CNR1: variants seen among roughly 807,000 people sequenced by gnomAD.
CNR1 encodes cannabinoid receptor 1 (brain).
A neutral mutation model predicts 23.0 loss-of-function variants in CNR1; 10 were observed. That is an observed-to-expected ratio of 0.43 (90% CI 0.27 to 0.74). The LOEUF (loss-of-function observed/expected upper bound fraction) is 0.74, where lower values mean the gene tolerates loss of function less well. CNR1 is among the 30% of genes least tolerant of loss of function. The pLI is 0.19. For missense variants in CNR1, 422 were observed against 618.8 expected (o/e 0.68, Z 3.37); for synonymous variants, 271 against 255.2 (o/e 1.06, Z -0.59).
At chr6:88,160,136 TGG>T (rs1284918970) in intron 1 of CNR1, among the ~76,000 whole-genome samples, 1 of 152,078 alleles carries the variant, frequency 6.6e-6, no homozygotes, top group African/African-American at 2.4e-5. Context: ...AAGACCAGCG[TGG>T]CCAACATGGT....
In CNR1 at chr6:88,142,991, A is replaced by C. The variant is rs1776911208; in HGVS notation, c.*865T>G. 2.0e-5 allele frequency: 3 copies of C among 152,758 alleles called. No homozygotes were observed. The South Asian group carries it at 6.2e-4, about 32-fold the overall frequency. The allele number at this position is 152,758 out of a possible 1,614,324, so 9.5% of individuals were successfully genotyped here. On this transcript the variant is annotated 3_prime_UTR_variant, in exon 2 of 2. Transcript: ENST00000369501. ...GTCTTAAGAGATCCAGTAATAGCTA[A>C]AGACTAAAGAAAGTCAGAGATGTCG...
intron 1 of CNR1, among the ~76,000 whole-genome samples, chr6:88,154,547 T>C (rs1278597137): frequency 2.6e-5 from 4 of 152,244 alleles, no homozygotes; most frequent in Admixed American, 6.5e-5. Flanking sequence ...GAGAGAGATC[T>C]TTCTACATAC....
Position 88,156,861 on chromosome 6 carries a change from A to G in CNR1, c.-64+8942T>C, listed in dbSNP as rs549031901. ...AGCCAGCTGATCATGAGGGCATTAA[A>G]CCTGAATCTTGGTCTCATACAAACA... On this transcript the variant is annotated intron_variant, in intron 1 of 1. Transcript: ENST00000369501. 2.0e-5 allele frequency among the ~76,000 whole-genome samples: 3 copies of G among 152,300 alleles called. No individual in the cohort carries two copies. In the East Asian group the frequency reaches 5.8e-4, roughly 29 times the overall value.
At chr6:88,148,042 G>A (rs772811775) in intron 1 of CNR1, among the ~76,000 whole-genome samples, 12 of 152,022 alleles carry the variant, frequency 7.9e-5, no homozygotes, top group Admixed American at 6.6e-5. Context: ...TCTAGCTCCC[G>A]CCCACCTCTC....
chr6:88,147,316 G>C (rs949355468), intron 1 of CNR1, among the ~76,000 whole-genome samples: 3 of 152,088 alleles, frequency 2.0e-5, no homozygotes, highest in Admixed American at 6.6e-5. Context: ...GTGAAAAAAA[G>C]AGTCCTTGCC....
At chr6:88,156,862 C>T (rs567404731) in intron 1 of CNR1, among the ~76,000 whole-genome samples, 3 of 152,294 alleles carry the variant, frequency 2.0e-5, no homozygotes, top group South Asian at 2.1e-4. Context: ...GGGCATTAAA[C>T]CTGAATCTTG....
chr6:88,161,891 A>G (rs1229795760), intron 1 of CNR1, among the ~76,000 whole-genome samples: 1 of 152,242 alleles, frequency 6.6e-6, no homozygotes, highest in African/African-American at 2.4e-5. Flanking sequence ...AAAAACTATA[A>G]CTATCTTAAT....
intron 1 of CNR1, among the ~76,000 whole-genome samples, chr6:88,146,026 T>C (rs1238048878): frequency 6.6e-6 from 1 of 152,160 alleles, no homozygotes; most frequent in Non-Finnish European, 1.5e-5. Flanking sequence ...ACTTCTAGGA[T>C]GTCCACATCA....
chr6:88,162,107 G>C (rs1209109491), intron 1 of CNR1, among the ~76,000 whole-genome samples: 1 of 152,108 alleles, frequency 6.6e-6, no homozygotes, highest in Non-Finnish European at 1.5e-5. Context: ...GGACTGGCAC[G>C]GATTTCCACC....
At position 88,140,503 on chromosome 6, in the gene CNR1, A is replaced by G. The variant is rs1562495413; in HGVS notation, c.*3353T>C. ...TTTCTATATTACAATAGGCATTGTTAACATTTCATCAGAAGGCCAGTGCAA... is the reference window on the plus strand; with the variant it reads ...TTTCTATATTACAATAGGCATTGTTGACATTTCATCAGAAGGCCAGTGCAA... On this transcript the variant is annotated 3_prime_UTR_variant, in exon 2 of 2. Transcript: ENST00000369501. 6.5e-6 allele frequency: 1 copy of G among 152,830 alleles called. No homozygotes were observed. Among genetic ancestry groups the G allele is most frequent in the African/African-American group, 2.4e-5 (1 of 41,470 alleles). 9.5% of individuals were successfully genotyped at this position (152,830 alleles called of 1,614,324 possible).
intron 1 of CNR1, 147 bp downstream of exon 1, chr6:88,165,656 G>T (rs950510088): frequency 6.6e-6 from 1 of 152,504 alleles, no homozygotes; most frequent in Non-Finnish European, 1.5e-5. Context: ...TAACAGGCTG[G>T]GGCCATACAG....
intron 1 of CNR1, among the ~76,000 whole-genome samples, chr6:88,153,419 A>G (rs1777634422): frequency 6.6e-6 from 1 of 152,220 alleles, no homozygotes; most frequent in South Asian, 2.1e-4. Context: ...CTGATATATT[A>G]TAGACTGCTT....
At chr6:88,158,595 C>G (rs1006535626) in intron 1 of CNR1, among the ~76,000 whole-genome samples, 7 of 152,118 alleles carry the variant, frequency 4.6e-5, no homozygotes, top group Admixed American at 3.3e-4. Flanking sequence ...GAAACAAAAA[C>G]TCTAGGGTTG....
In CNR1 at chr6:88,144,050, G is replaced by A. The variant is rs149335541; in HGVS notation, c.1225C>T (p.Arg409Trp). ...LRSKDLRHAFRSMFPSCEGTA... is the reference protein window; with the variant it reads ...LRSKDLRHAFWSMFPSCEGTA... ...CCTTCACAAGAGGGAAACATGCTCC[G>A]GAAAGCGTGTCGCAGGTCCTTACTC... The change falls in exon 2 of 2, where the codon CGG becomes TGG. Residue 409 changes from arginine to tryptophan, a missense_variant. Physicochemically the swap from Arg to Trp is moderately radical, Grantham distance 101. Transcript: ENST00000369501. The surrounding 1 kb of genome is among the most constrained non-coding windows in gnomAD (Gnocchi z 7.8). 9.9e-6 allele frequency: 16 copies of A among 1,614,026 alleles called. No individual in the cohort carries two copies. The highest frequency in any genetic ancestry group is 5.0e-5 in the Admixed American group (3 of 60,004).
At chr6:88,148,245 G>A (rs374903417) in intron 1 of CNR1, among the ~76,000 whole-genome samples, 4 of 152,222 alleles carry the variant, frequency 2.6e-5, no homozygotes, top group South Asian at 2.1e-4. Context: ...TTCCCATGGC[G>A]ATGAACACCC....
Position 88,142,943 on chromosome 6 carries a change from A to T in CNR1, c.*913T>A, listed in dbSNP as rs1453065632. On this transcript the variant is annotated 3_prime_UTR_variant, in exon 2 of 2. Coordinates refer to ENST00000369501, the MANE Select transcript of CNR1 (RefSeq NM_016083.6). ...ACAGCAACTGCACAGTGATAACGATATACATTAAGATTAACACATGCTGTC... is the reference window on the plus strand; with the variant it reads ...ACAGCAACTGCACAGTGATAACGATTTACATTAAGATTAACACATGCTGTC... 1.3e-5 allele frequency: 2 copies of T among 152,816 alleles called. No homozygotes were observed. The highest frequency in any genetic ancestry group is 2.9e-5 in the Non-Finnish European group (2 of 68,048). The allele number at this position is 152,816 out of a possible 1,614,324, so 9.5% of individuals were successfully genotyped here.
upstream of CNR1, among the ~76,000 whole-genome samples, chr6:88,167,074 G>T (rs1164171901): frequency 6.6e-6 from 1 of 151,754 alleles, no homozygotes; most frequent in African/African-American, 2.4e-5. Context: ...GACCACTCGG[G>T]CGCGCCCCGC....
intron 1 of CNR1, among the ~76,000 whole-genome samples, chr6:88,159,472 T>A (rs907078727): frequency 9.9e-5 from 15 of 152,224 alleles, no homozygotes; most frequent in African/African-American, 3.6e-4. Flanking sequence ...CACTTAAATA[T>A]ATGACTCTGG....
At chr6:88,158,546 C>A (rs997947354) in intron 1 of CNR1, among the ~76,000 whole-genome samples, 1 of 152,074 alleles carries the variant, frequency 6.6e-6, no homozygotes, top group African/African-American at 2.4e-5. Context: ...TGGGAACTTA[C>A]GAAAAACACA....
Sources: gnomAD v4.1 joint callset for allele counts (sites outside exome capture counted in the v4.1 genomes callset) on GRCh38, gnomAD v4.1.1 for gene constraint, Gnocchi (gnomAD v3.1) non-coding constraint, MANE v1.5 for transcripts, NCBI Gene and HGNC (gene_info 2026-07-23, HGNC 2026-07-21) for gene names.